Variants in FANCC observed in about 807,000 individuals in gnomAD.
FANCC encodes the protein Fanconi anemia group C protein.
In FANCC, 55 loss-of-function variants were observed where a neutral mutation model predicts 71.3. The observed-to-expected ratio is 0.77, with a 90% CI of 0.62 to 0.97. FANCC has a LOEUF of 0.97. Among genes scored for constraint, FANCC ranks in the 50% least tolerant of loss-of-function variants. FANCC has a pLI of 0.00. For missense variants in FANCC, 678 were observed against 670.9 expected (o/e 1.01, Z -0.12); for synonymous variants, 275 against 244.9 (o/e 1.12, Z -1.15).
intron 3 of FANCC, among the ~76,000 whole-genome samples, chr9:95,244,529 A>T (rs1830825937): frequency 1.3e-5 from 2 of 151,962 alleles, no homozygotes; most frequent in Admixed American, 1.3e-4. Flanking sequence ...AATACAAAAA[A>T]TTAGCTGGAT....
chr9:95,232,667 A>G (rs1471334125), intron 4 of FANCC, among the ~76,000 whole-genome samples: 1 of 152,218 alleles, frequency 6.6e-6, no homozygotes. Context: ...GCTTTTAGTA[A>G]CAAAATCCTG....
At chr9:95,102,320 G>A (rs186130764) in intron 14 of FANCC, among the ~76,000 whole-genome samples, 10 of 152,294 alleles carry the variant, frequency 6.6e-5, no homozygotes, top group Admixed American at 1.3e-4. Flanking sequence ...GCTAGCAACC[G>A]GACCTACTTG....
chr9:95,143,395 G>A (rs1426312115), intron 7 of FANCC, among the ~76,000 whole-genome samples: 5 of 152,174 alleles, frequency 3.3e-5, no homozygotes, highest in Non-Finnish European at 7.3e-5. Flanking sequence ...GGGGTCAGGT[G>A]TGGTTGGTTC....
chr9:95,263,179 G>A (rs918929316), intron 1 of FANCC, among the ~76,000 whole-genome samples: 1 of 152,186 alleles, frequency 6.6e-6, no homozygotes, highest in African/African-American at 2.4e-5. Flanking sequence ...CCCAGCAGAG[G>A]TGGGGCCTGG....
At chr9:95,109,218 A>G (rs2071713208) in intron 13 of FANCC, among the ~76,000 whole-genome samples, 1 of 152,230 alleles carries the variant, frequency 6.6e-6, no homozygotes, top group South Asian at 2.1e-4. Flanking sequence ...GTCCAAGAGC[A>G]TGATTTTTCA....
intron 4 of FANCC, among the ~76,000 whole-genome samples, chr9:95,239,935 C>T (rs1224040853): frequency 1.3e-5 from 2 of 152,208 alleles, no homozygotes; most frequent in African/African-American, 4.8e-5. Context: ...CAGGCATCAG[C>T]CAGTCCTGGG....
intron 4 of FANCC, among the ~76,000 whole-genome samples, chr9:95,172,703 A>G (rs943914790): frequency 2.4e-4 from 36 of 152,352 alleles, no homozygotes; most frequent in African/African-American, 8.7e-4. Context: ...GTAAAAAGAA[A>G]AAAAGATTCT....
At chr9:95,114,756 A>C in intron 11 of FANCC, 46 bp from the exon 12 acceptor site, 831 of 1,562,042 alleles carry the variant, frequency 5.3e-4, no homozygotes, top group Non-Finnish European at 6.8e-4. Context: ...AGGAAATGTC[A>C]AGCCCATGAG....
chr9:95,212,575 A>ACATGCACTCC (rs1757316953), intron 4 of FANCC, among the ~76,000 whole-genome samples: 1 of 152,180 alleles, frequency 6.6e-6, no homozygotes, highest in African/African-American at 2.4e-5. Context: ...TCAGCAGCAG[A>ACATGCACTCC]CATGCACTCC....
At chr9:95,248,394 G>A (rs1222789375) in intron 2 of FANCC, among the ~76,000 whole-genome samples, 1 of 152,106 alleles carries the variant, frequency 6.6e-6, no homozygotes, top group Non-Finnish European at 1.5e-5. Context: ...AGCATCGGTT[G>A]TTCACACAGA....
At chr9:95,119,556 G>A (rs1374667366) in intron 10 of FANCC, among the ~76,000 whole-genome samples, 1 of 151,942 alleles carries the variant, frequency 6.6e-6, no homozygotes. Context: ...AGTAGAGACG[G>A]GGTTTCACTA....
At chr9:95,304,329 A>G (rs1239592194) in intron 1 of FANCC, among the ~76,000 whole-genome samples, 2 of 152,192 alleles carry the variant, frequency 1.3e-5, no homozygotes, top group African/African-American at 2.4e-5. Context: ...CGACTGCAAA[A>G]AAGTTTTCAA....
At chr9:95,231,037 T>A (rs2135992713) in intron 4 of FANCC, among the ~76,000 whole-genome samples, 1 of 152,328 alleles carries the variant, frequency 6.6e-6, no homozygotes, top group Non-Finnish European at 1.5e-5. Context: ...TGTCCCCACT[T>A]GACCTAGGAA....
chr9:95,199,401 G>A (rs1309243869), intron 4 of FANCC, among the ~76,000 whole-genome samples: 1 of 151,876 alleles, frequency 6.6e-6, no homozygotes, highest in Non-Finnish European at 1.5e-5. Context: ...CTCCCAGTGC[G>A]TTCTGCTCAC....
chr9:95,289,404 G>C (rs1330848309), intron 1 of FANCC, among the ~76,000 whole-genome samples: 1 of 151,972 alleles, frequency 6.6e-6, no homozygotes, highest in Non-Finnish European at 1.5e-5. Context: ...CCACACAACT[G>C]AACCTTGAAG....
chr9:95,237,722 C>T (rs1830405882), intron 4 of FANCC, among the ~76,000 whole-genome samples: 1 of 152,106 alleles, frequency 6.6e-6, no homozygotes, highest in East Asian at 1.9e-4. Flanking sequence ...TTTATAAAAT[C>T]TAAATACAGA....
rs990804966 is a variant in FANCC, at chr9:95,116,909, G to T, written c.1072+406C>A. On this transcript the variant is annotated intron_variant, in intron 11 of 14. Coordinates refer to ENST00000289081, the MANE Select transcript of FANCC (RefSeq NM_000136.3). ...TTTCCTCAGCTTCATCCATCATTTT[G>T]TCTTTTCTTCTGCAACAAGGCTGCA... Among the ~76,000 whole-genome samples the T allele has an allele frequency of 1.2e-4, 19 of 152,296 alleles. 1 individual carries two copies. Among genetic ancestry groups the T allele is most frequent in the Admixed American group, 9.2e-4 (14 of 15,292 alleles).
At chr9:95,173,591 T>C (rs570933351) in intron 4 of FANCC, among the ~76,000 whole-genome samples, 249 of 152,316 alleles carry the variant, frequency 1.6e-3, no homozygotes, top group Admixed American at 3.0e-3. Flanking sequence ...ATTAATATGC[T>C]TATATAGTGG....
intron 1 of FANCC, among the ~76,000 whole-genome samples, chr9:95,261,171 A>G (rs1832020751): frequency 6.6e-6 from 1 of 152,206 alleles, no homozygotes; most frequent in Admixed American, 6.5e-5. Context: ...GTGCAGCTCC[A>G]AAAAATGCAT....
Sources: gnomAD v4.1 joint callset for allele counts (sites outside exome capture counted in the v4.1 genomes callset) on GRCh38, gnomAD v4.1.1 for gene constraint, MANE v1.5 for transcripts, NCBI Gene and HGNC (gene_info 2026-07-23, HGNC 2026-07-21) for gene names.